Variants in FKBP5 observed in about 807,000 individuals in gnomAD.
FKBP5 encodes the protein FKBP prolyl isomerase 5.
In FKBP5, 23 loss-of-function variants were observed where a neutral mutation model predicts 50.5. That is an observed-to-expected ratio of 0.46 (90% confidence interval 0.33 to 0.65). The LOEUF (loss-of-function observed/expected upper bound fraction) is 0.65. Among genes scored for constraint, FKBP5 ranks in the 30% least tolerant of loss-of-function variants. FKBP5 has a pLI of 0.02. For synonymous variants in FKBP5, 176 were observed against 190.6 expected, an observed-to-expected ratio of 0.92 and a Z score of 0.63; for missense variants, 411 against 553.1, an observed-to-expected ratio of 0.74 and a Z score of 2.58.
At chr6:35,612,637 C>T (rs1266221186) in intron 5 of FKBP5, among the ~76,000 whole-genome samples, 1 of 152,226 alleles carries the variant, frequency 6.6e-6, no homozygotes, top group Non-Finnish European at 1.5e-5. Context: ...GGGGAAGCCT[C>T]AGGAAACTTA....
chr6:35,615,631 G>C (rs941497400), intron 5 of FKBP5, among the ~76,000 whole-genome samples: 3 of 152,134 alleles, frequency 2.0e-5, no homozygotes, highest in Middle Eastern at 3.2e-3. Context: ...TATACAGTAG[G>C]ATTCAAATTA....
intron 5 of FKBP5, among the ~76,000 whole-genome samples, chr6:35,613,310 G>C (rs1022698255): frequency 2.6e-5 from 4 of 152,128 alleles, no homozygotes; most frequent in African/African-American, 9.7e-5. Flanking sequence ...CACCTCCCAG[G>C]ATCAAGCAAT....
rs1764218755 is a variant in FKBP5, at chr6:35,633,362, G to A, written c.250+3652C>T. ...GTTCGAGACCACCCTGGGCAACATG[G>A]TGAAACCCTGTCTCTACTAAAACAC... On this transcript the variant is annotated intron_variant, in intron 3 of 10. Transcript: ENST00000357266. Among the ~76,000 whole-genome samples the A allele has an allele frequency of 2.0e-5, 3 of 152,088 alleles. No individual in the cohort carries two copies. The South Asian group carries it at 6.2e-4, about 32-fold the overall frequency.
At chr6:35,650,447 G>A (rs1378119642) in intron 1 of FKBP5, among the ~76,000 whole-genome samples, 1 of 150,174 alleles carries the variant, frequency 6.7e-6, no homozygotes, top group Non-Finnish European at 1.5e-5. Context: ...GCTAATACAT[G>A]TAACACAAAC....
At chr6:35,713,715 G>A (rs957177661) in intron 2 of FKBP5, among the ~76,000 whole-genome samples, 8 of 152,178 alleles carry the variant, frequency 5.3e-5, no homozygotes, top group Non-Finnish European at 1.2e-4. Context: ...AAGGGTAGCA[G>A]AGAATGTAAA....
chr6:35,668,588 A>T (rs1765293484), intron 1 of FKBP5, among the ~76,000 whole-genome samples: 1 of 152,172 alleles, frequency 6.6e-6, no homozygotes, highest in Non-Finnish European at 1.5e-5. Flanking sequence ...TAAAACTGGA[A>T]TGGAATAGTT....
At chr6:35,724,005 A>G (rs2766535) in intron 1 of FKBP5, among the ~76,000 whole-genome samples, 85,070 of 152,152 alleles carry the variant, frequency 0.56, 24,197 homozygotes, top group African/African-American at 0.66. Context: ...CAGGAAAGCG[A>G]GTCTGATTCT....
At chr6:35,596,862 T>C (rs557526040) in intron 6 of FKBP5, among the ~76,000 whole-genome samples, 1 of 152,150 alleles carries the variant, frequency 6.6e-6, no homozygotes, top group African/African-American at 2.4e-5. Flanking sequence ...TAGTAAATCA[T>C]CCAAATGCTT....
intron 6 of FKBP5, among the ~76,000 whole-genome samples, chr6:35,595,727 G>A (rs528557103): frequency 6.6e-6 from 1 of 152,090 alleles, no homozygotes; most frequent in African/African-American, 2.4e-5. Context: ...TCTAGCCTGG[G>A]CGACAGAGTG....
At chr6:35,610,779 G>C (rs1763469038) in intron 5 of FKBP5, among the ~76,000 whole-genome samples, 1 of 151,892 alleles carries the variant, frequency 6.6e-6, no homozygotes, top group Non-Finnish European at 1.5e-5. Flanking sequence ...GTAGTTTTCA[G>C]TCCTTGCCTG....
At chr6:35,650,184 C>T (rs1423986143) in intron 1 of FKBP5, among the ~76,000 whole-genome samples, 1 of 150,148 alleles carries the variant, frequency 6.7e-6, no homozygotes, top group Non-Finnish European at 1.5e-5. Flanking sequence ...CCGATCTCTG[C>T]TAAAAATAAA....
intron 1 of FKBP5, among the ~76,000 whole-genome samples, chr6:35,726,097 G>A (rs1204552657): frequency 6.6e-6 from 1 of 152,240 alleles, no homozygotes; most frequent in African/African-American, 2.4e-5. Flanking sequence ...GGTGACACCC[G>A]GAAAGGCGGC....
At chr6:35,576,882 C>T (rs1197958465) in intron 10 of FKBP5, 112 bp downstream of exon 10, 6 of 1,334,338 alleles carry the variant, frequency 4.5e-6, no homozygotes, top group Admixed American at 2.2e-5. Context: ...GATTGGAAAT[C>T]GTTTTCCCTG....
chr6:35,702,595 G>A (rs1167189474), intron 2 of FKBP5, among the ~76,000 whole-genome samples: 1 of 152,022 alleles, frequency 6.6e-6, no homozygotes, highest in Non-Finnish European at 1.5e-5. Context: ...TGGGACTACA[G>A]GCGCCCGCCA....
At chr6:35,697,603 T>C (rs1037880242) in intron 2 of FKBP5, among the ~76,000 whole-genome samples, 1 of 150,660 alleles carries the variant, frequency 6.6e-6, no homozygotes, top group African/African-American at 2.4e-5. Flanking sequence ...TGTATGAACC[T>C]TGAAAACATA....
chr6:35,610,394 G>A lies in FKBP5; in HGVS notation c.508+8702C>T, dbSNP rs181404974. Among the ~76,000 whole-genome samples the A allele has an allele frequency of 3.9e-3, 596 of 151,470 alleles. 5 individuals carry two copies. Among genetic ancestry groups the A allele is most frequent in the African/African-American group, 0.011 (469 of 41,314 alleles). ...ATCCTGGCTAACACGGTGAAACCCC[G>A]TCTCTACTAAAAATACAAAAAAAAT... On this transcript the variant is annotated intron_variant, in intron 5 of 10. Coordinates refer to ENST00000357266, the MANE Select transcript of FKBP5 (RefSeq NM_004117.4).
intron 2 of FKBP5, among the ~76,000 whole-genome samples, chr6:35,700,057 A>G (rs1386526234): frequency 6.6e-6 from 1 of 152,090 alleles, no homozygotes; most frequent in Non-Finnish European, 1.5e-5. Context: ...AAAGAAAAAA[A>G]TGCAACTACC....
intron 7 of FKBP5, among the ~76,000 whole-genome samples, chr6:35,589,231 C>A (rs962045919): frequency 3.3e-5 from 5 of 150,274 alleles, no homozygotes; most frequent in Non-Finnish European, 5.9e-5. Context: ...TGGGTTCAAG[C>A]GATTCACCTG....
At position 35,631,385 on chromosome 6, in the gene FKBP5, C is replaced by CAGAA. The variant is rs753378931; in HGVS notation, c.250+5625_250+5628dup. On this transcript the variant is annotated intron_variant, in intron 3 of 10. Transcript: ENST00000357266. The stretch of plus-strand genomic sequence containing the variant: ...TCTACAAAAGGCAAAATTATAGTAA[C>CAGAA]AGAAACCAAGTTAGTGACTGCCTGG... Among the ~76,000 whole-genome samples, 4 of 152,180 alleles carry CAGAA rather than the reference C, an allele frequency of 2.6e-5. No homozygotes were observed. The East Asian group carries it at 7.7e-4, about 29-fold the overall frequency.
Sources: gnomAD v4.1 joint callset for allele counts (sites outside exome capture counted in the v4.1 genomes callset) on GRCh38, gnomAD v4.1.1 for gene constraint, MANE v1.5 for transcripts, NCBI Gene and HGNC (gene_info 2026-07-23, HGNC 2026-07-21) for gene names.